TENM2: variants seen among roughly 807,000 people sequenced by gnomAD.
The protein encoded by TENM2 is teneurin transmembrane protein 2.
A neutral mutation model predicts 245.2 loss-of-function variants in TENM2; 52 were observed. The observed-to-expected ratio is 0.21, with a 90% confidence interval of 0.17 to 0.27. The LOEUF is 0.27. Ranked by LOEUF, TENM2 falls within the 10% of genes least tolerant of loss-of-function variation. TENM2 has a pLI of 1.00. For synonymous variants in TENM2, 1,363 were observed against 1,438.9 expected, an observed-to-expected ratio of 0.95 and a Z score of 1.19; for missense variants, 3,046 against 3,666.8, an observed-to-expected ratio of 0.83 and a Z score of 4.37.
the TENM2 span, among the ~76,000 whole-genome samples, chr5:167,159,139 C>T: frequency 2.0e-5 from 3 of 151,660 alleles, no homozygotes; most frequent in African/African-American, 4.8e-5. Context: ...GACTGGGTTT[C>T]ATCATGTTGT....
At chr5:167,735,854 G>A (rs147394502) in intron 2 of TENM2, among the ~76,000 whole-genome samples, 72 of 152,126 alleles carry the variant, frequency 4.7e-4, no homozygotes, top group African/African-American at 1.6e-3. Flanking sequence ...TTCTATGACC[G>A]GTTCATACCA....
chr5:167,431,927 A>ATG (rs1561950098), intron 2 of TENM2, among the ~76,000 whole-genome samples: 1 of 117,740 alleles, frequency 8.5e-6, no homozygotes, highest in African/African-American at 3.1e-5. Context: ...ATATATATAT[A>ATG]CATATATATA....
At chr5:168,074,418 G>T (rs1791282334) in intron 7 of TENM2, among the ~76,000 whole-genome samples, 1 of 152,116 alleles carries the variant, frequency 6.6e-6, no homozygotes, top group Non-Finnish European at 1.5e-5. Flanking sequence ...GACAAAAACA[G>T]GCTCTGGTCT....
At chr5:167,928,916 G>A (rs200552151) in intron 3 of TENM2, among the ~76,000 whole-genome samples, 11,864 of 72,780 alleles carry the variant, frequency 0.16, 1,230 homozygotes, top group African/African-American at 0.33. Flanking sequence ...AAAAAAAAAA[G>A]AAGAAGAAAG....
At chr5:168,231,153 T>TATC (rs929351018) in intron 25 of TENM2, 13 of 152,358 alleles carry the variant, frequency 8.5e-5, no homozygotes, top group East Asian at 3.9e-4. Flanking sequence ...GTGAGAACAC[T>TATC]ATCAGGGAAC....
At chr5:168,245,732 C>T (rs567480229) in intron 26 of TENM2, among the ~76,000 whole-genome samples, 44 of 152,172 alleles carry the variant, frequency 2.9e-4, no homozygotes, top group African/African-American at 1.0e-3. Context: ...CTCATTACAG[C>T]GGTGACTTGC....
At chr5:167,492,626 T>G (rs1280050112) in intron 2 of TENM2, among the ~76,000 whole-genome samples, 1 of 152,124 alleles carries the variant, frequency 6.6e-6, no homozygotes, top group Non-Finnish European at 1.5e-5. Context: ...TTTAATACTT[T>G]GTACAATGCT....
At position 167,867,014 on chromosome 5, in the gene TENM2, T is replaced by C. The variant is rs562165486; in HGVS notation, c.503-8972T>C. 8.4e-4 allele frequency among the ~76,000 whole-genome samples: 128 copies of C among 152,372 alleles called. 1 individual carries two copies. The highest frequency in any genetic ancestry group is 2.9e-3 in the African/African-American group (121 of 41,592). ...GCTGGACAGCGTCAATCTGGACAACTACACATGACCAACATAATGTTTTTC... is the reference window on the plus strand; with the variant it reads ...GCTGGACAGCGTCAATCTGGACAACCACACATGACCAACATAATGTTTTTC... On this transcript the variant is annotated intron_variant, in intron 2 of 28. Transcript: ENST00000518659.
the TENM2 span, among the ~76,000 whole-genome samples, chr5:167,236,765 C>T: frequency 1.3e-5 from 2 of 152,106 alleles, no homozygotes; most frequent in Admixed American, 6.6e-5. Flanking sequence ...AGAACATCCA[C>T]GGTATCAAAG....
Position 168,262,157 on chromosome 5 carries a change from G to A in TENM2, c.7672G>A (p.Gly2558Ser), listed in dbSNP as rs370473451. 92 of 1,613,450 alleles carry A rather than the reference G, an allele frequency of 5.7e-5. No individual in the cohort carries two copies. The highest frequency in any genetic ancestry group is 2.3e-4 in the Admixed American group (14 of 59,898). Residue 2558 changes from glycine to serine, a missense_variant, in exon 29 of 29, where the codon GGT becomes AGT. By Grantham distance (56) the Gly-to-Ser change is moderately conservative. Transcript: ENST00000518659. Reference sequence around the variant, plus strand: ...CCACGCCAGCATCCGAGAGAAAGCAGGTCACTGGTTTGCCACCACCACGCC... The same window carrying A: ...CCACGCCAGCATCCGAGAGAAAGCAAGTCACTGGTTTGCCACCACCACGCC...
chr5:167,650,651 C>T (rs536588706), intron 2 of TENM2, among the ~76,000 whole-genome samples: 2 of 152,124 alleles, frequency 1.3e-5, no homozygotes, highest in South Asian at 2.1e-4. Flanking sequence ...TACTGGGAGA[C>T]AAAATAACAT....
chr5:167,765,159 A>G (rs1378683754), intron 2 of TENM2, among the ~76,000 whole-genome samples: 1 of 152,214 alleles, frequency 6.6e-6, no homozygotes, highest in Non-Finnish European at 1.5e-5. Flanking sequence ...AGCAAAATCA[A>G]GAAGCTGAAC....
At chr5:167,537,076 A>G (rs1771897728) in intron 2 of TENM2, among the ~76,000 whole-genome samples, 1 of 152,168 alleles carries the variant, frequency 6.6e-6, no homozygotes, top group African/African-American at 2.4e-5. Flanking sequence ...CATGCTGTAC[A>G]AGCACAATAA....
intron 27 of TENM2, among the ~76,000 whole-genome samples, chr5:168,250,154 GGATGGATGGATGGATGGGTAAATA>G (rs1766984685): frequency 7.4e-6 from 1 of 134,720 alleles, no homozygotes; most frequent in African/African-American, 2.8e-5. Flanking sequence ...ATGGATGGAT[GGATGGATGGATGGATGGGTAAATA>G]GATGGATAAA....
At chr5:167,420,465 A>T (rs72829343) in intron 2 of TENM2, among the ~76,000 whole-genome samples, 1 of 151,758 alleles carries the variant, frequency 6.6e-6, no homozygotes, top group Non-Finnish European at 1.5e-5. Context: ...AAGTTCTATG[A>T]CCTCACCTCC....
At chr5:167,196,647 G>T in the TENM2 span, among the ~76,000 whole-genome samples, 1 of 150,690 alleles carries the variant, frequency 6.6e-6, no homozygotes, top group East Asian at 1.9e-4. Flanking sequence ...TATATTCGTG[G>T]GTTTGCGTTT....
intron 2 of TENM2, among the ~76,000 whole-genome samples, chr5:167,507,587 A>G (rs2127564456): frequency 6.6e-6 from 1 of 152,336 alleles, no homozygotes; most frequent in Non-Finnish European, 1.5e-5. Flanking sequence ...GTCTGGGCCA[A>G]GTGACATCAT....
At chr5:168,004,651 G>T (rs1435510015) in intron 5 of TENM2, among the ~76,000 whole-genome samples, 4 of 151,788 alleles carry the variant, frequency 2.6e-5, no homozygotes, top group Non-Finnish European at 5.9e-5. Context: ...GGATGGATTT[G>T]GTTTGACTTT....
chr5:167,417,810 G>A (rs1763251070), intron 2 of TENM2, among the ~76,000 whole-genome samples: 1 of 152,094 alleles, frequency 6.6e-6, no homozygotes, highest in Admixed American at 6.6e-5. Context: ...TGGCACCCTG[G>A]CTACACGTGG....
Sources: gnomAD v4.1 joint callset for allele counts (sites outside exome capture counted in the v4.1 genomes callset) on GRCh38, gnomAD v4.1.1 for gene constraint, MANE v1.5 for transcripts, NCBI Gene and HGNC (gene_info 2026-07-23, HGNC 2026-07-21) for gene names.